SMC3: variants seen among roughly 807,000 people sequenced by gnomAD.
The protein encoded by SMC3 is structural maintenance of chromosomes 3.
SMC3 carries 20 observed loss-of-function variants against 171.8 expected under a neutral mutation model. The ratio of observed to expected loss-of-function variants is 0.12; its 90% CI spans 0.08 to 0.17. SMC3 has a LOEUF of 0.17. Among genes scored for constraint, SMC3 ranks in the 10% least tolerant of loss-of-function variants. The pLI is 1.00. For missense variants in SMC3, 543 were observed against 1,420.4 expected, an observed-to-expected ratio of 0.38 and a Z score of 9.93; for synonymous variants, 464 against 451.1, an observed-to-expected ratio of 1.03 and a Z score of -0.36.
intron 20 of SMC3, among the ~76,000 whole-genome samples, 187 bp from the exon 21 acceptor site, chr10:110,599,467 C>T (rs1861354088): frequency 6.8e-6 from 1 of 148,026 alleles, no homozygotes; most frequent in African/African-American, 2.5e-5. Context: ...CCCCACCCTG[C>T]CCCACCTATA....
intron 19 of SMC3, 75 bp from the exon 20 acceptor site, chr10:110,598,064 G>C (rs921076654): frequency 7.6e-7 from 1 of 1,317,284 alleles, no homozygotes; most frequent in African/African-American, 1.5e-5. Flanking sequence ...GGGATACATG[G>C]TGTTGTGTCT....
chr10:110,583,309 AAG>A, intron 10 of SMC3, 73 bp from the exon 11 acceptor site: 3 of 1,185,342 alleles, frequency 2.5e-6, no homozygotes, highest in Non-Finnish European at 3.8e-6. Flanking sequence ...CATTAAGTGA[AAG>A]AGAATTAATG....
In SMC3 at chr10:110,593,103, T is replaced by G; in HGVS notation, c.1843T>G (p.Tyr615Asp). The change falls in exon 18 of 29, where the codon TAC (tyrosine) becomes GAC (aspartate). Residue 615 changes from tyrosine to aspartate, a missense_variant. This residue lies in a region of SMC3 where 218 missense variants were observed against 509.6 expected (regional missense o/e 0.43). Transcript: ENST00000361804. ...TATTCCTATGATCAGCAAACTGAGG[T>G]ACAATCCCAGATTTGACAAAGCTTT... ...DAIPMISKLR[Y>D]NPRFDKAFKH... 6.2e-7 allele frequency: 1 copy of G among 1,614,094 alleles called. No individual in the cohort carries two copies. Among genetic ancestry groups the G allele is most frequent in the Non-Finnish European group, 8.5e-7 (1 of 1,179,944 alleles).
At chr10:110,574,310 A>T (rs1860915572) in intron 3 of SMC3, among the ~76,000 whole-genome samples, 1 of 152,230 alleles carries the variant, frequency 6.6e-6, no homozygotes, top group Admixed American at 6.5e-5. Flanking sequence ...TTCTCTCTAA[A>T]TTGCATTTAA....
chr10:110,586,065 G>A (rs1366518471), intron 13 of SMC3, among the ~76,000 whole-genome samples: 1 of 152,130 alleles, frequency 6.6e-6, no homozygotes, highest in Non-Finnish European at 1.5e-5. Context: ...CAAAGTGCTG[G>A]GATTATAGGT....
chr10:110,583,643 T>C, intron 11 of SMC3, 95 bp downstream of exon 11: 1 of 1,406,504 alleles, frequency 7.1e-7, no homozygotes, highest in Non-Finnish European at 1.0e-6. Flanking sequence ...TGTTGGAATT[T>C]TTTTTTAAGC....
At chr10:110,578,342 A>T (rs2134720096) in intron 6 of SMC3, among the ~76,000 whole-genome samples, 1 of 152,324 alleles carries the variant, frequency 6.6e-6, no homozygotes, top group South Asian at 2.1e-4. Context: ...AAGTGCTGGG[A>T]TTAGAGGCAT....
rs913793978 is a variant in SMC3 at position 110,586,802 on chromosome 10, C to T, written c.1305+2406C>T. On this transcript the variant is annotated intron_variant, in intron 13 of 28. Transcript: ENST00000361804. Reference sequence around the variant, plus strand: ...CCTCCCATGTAGCTGAGATTACAGGCGCCCGCCACTGCTCCCGGCTAATTT... The same window carrying T: ...CCTCCCATGTAGCTGAGATTACAGGTGCCCGCCACTGCTCCCGGCTAATTT... 3.9e-5 allele frequency among the ~76,000 whole-genome samples: 6 copies of T among 152,160 alleles called. No individual in the cohort carries two copies. The South Asian group carries it at 6.2e-4, about 16-fold the overall frequency.
chr10:110,581,362 G>A (rs992854185), intron 8 of SMC3, among the ~76,000 whole-genome samples: 3 of 151,836 alleles, frequency 2.0e-5, no homozygotes, highest in Admixed American at 1.3e-4. Flanking sequence ...GGGATTACAG[G>A]TGCCCACCAC....
rs374832653 is a variant in SMC3 at position 110,590,495 on chromosome 10, C to T, written c.1593C>T (p.Gly531=). 2 of 1,613,802 alleles carry T rather than the reference C, an allele frequency of 1.2e-6. No individual in the cohort carries two copies. Among genetic ancestry groups the T allele is most frequent in the Admixed American group, 1.7e-5 (1 of 60,026 alleles). The change falls in exon 16 of 29, where the codon GGC becomes GGT. Residue 531 remains glycine (G), a synonymous_variant. Transcript: ENST00000361804. ...GAATAAACCAGCATGTTCAAAATGGCTATCATGGTATTGTAATGAATAACT... is the reference window on the plus strand; with the variant it reads ...GAATAAACCAGCATGTTCAAAATGGTTATCATGGTATTGTAATGAATAACT... The part of the protein sequence containing the change: ...RKGINQHVQN[G]YHGIVMNNFE...
chr10:110,591,448 A>C (rs1861203180), intron 17 of SMC3, among the ~76,000 whole-genome samples: 1 of 152,220 alleles, frequency 6.6e-6, no homozygotes, highest in Non-Finnish European at 1.5e-5. Flanking sequence ...TTAAAAGCGT[A>C]AGTACAGGAT....
At chr10:110,577,588 A>G (rs1860971016) in intron 5 of SMC3, 96 bp downstream of exon 5, 1 of 878,988 alleles carries the variant, frequency 1.1e-6, no homozygotes, top group South Asian at 1.5e-5. Context: ...ATAATTTGTT[A>G]TAATTACAGT....
In SMC3 at chr10:110,578,718, G is replaced by A. The variant is rs772517273; in HGVS notation, c.429+12G>A. 12 of 1,564,406 alleles carry A rather than the reference G, an allele frequency of 7.7e-6. No homozygotes were observed. In the South Asian group the frequency reaches 1.1e-4, roughly 15 times the overall value. ...TTAAACAAGGAAAGGTAAAACAATT[G>A]TATGTCCTTTTTAAGTAGAATTTGT... On this transcript the variant is annotated intron_variant, in intron 7 of 28. Coordinates refer to ENST00000361804, the MANE Select transcript of SMC3 (RefSeq NM_005445.4).
At chr10:110,596,280 A>T in intron 18 of SMC3, 118 bp from the exon 19 acceptor site, 2 of 934,666 alleles carry the variant, frequency 2.1e-6, no homozygotes, top group South Asian at 2.1e-5. Flanking sequence ...AGGGTGGTTT[A>T]AATTACTTTC....
chr10:110,572,992 T>A (rs928636692), intron 2 of SMC3, among the ~76,000 whole-genome samples: 20 of 152,316 alleles, frequency 1.3e-4, no homozygotes, highest in African/African-American at 3.6e-4. Flanking sequence ...TGCGTTTTTT[T>A]AAAAAGTACA....
At position 110,581,672 on chromosome 10, in the gene SMC3, G is replaced by T. The variant is rs150674718; in HGVS notation, c.548-251G>T. 1.5e-3 allele frequency among the ~76,000 whole-genome samples: 226 copies of T among 152,226 alleles called. 1 individual carries two copies. The highest frequency in any genetic ancestry group is 7.4e-4 in the Non-Finnish European group (50 of 68,022). ...TAGCATTCCATTATTGGAATCCTAA[G>T]CTTGTGGATGTTACTTATATTCTAC... is the stretch of plus-strand genomic sequence containing the variant. On this transcript the variant is annotated intron_variant, in intron 8 of 28. Coordinates refer to ENST00000361804, the MANE Select transcript of SMC3 (RefSeq NM_005445.4).
chr10:110,574,388 T>C (rs1268230858), intron 3 of SMC3, among the ~76,000 whole-genome samples: 2 of 152,116 alleles, frequency 1.3e-5, no homozygotes, highest in East Asian at 1.9e-4. Flanking sequence ...AATTAGACAG[T>C]TAAGGAGTAG....
chr10:110,584,010 A>G (rs571758546), intron 12 of SMC3, 48 bp downstream of exon 12: 1 of 1,605,634 alleles, frequency 6.2e-7, no homozygotes, highest in Non-Finnish European at 8.5e-7. Flanking sequence ...CATATTATGT[A>G]AAACTAGGTT....
chr10:110,581,891 A>T (rs566852786), intron 8 of SMC3, 32 bp from the exon 9 acceptor site: 3 of 1,574,546 alleles, frequency 1.9e-6, no homozygotes, highest in South Asian at 2.2e-5. Context: ...ATCTTATTCA[A>T]TTCTTCCACC....
Sources: allele counts gnomAD v4.1 joint callset (sites outside exome capture counted in the v4.1 genomes callset), GRCh38; gene constraint gnomAD v4.1.1; regional missense constraint gnomAD v4.1.1; transcripts MANE v1.5; gene names NCBI Gene and HGNC (gene_info 2026-07-23, HGNC 2026-07-21).